The following CDH4 variants were observed in gnomAD, a reference collection of about 807,000 sequenced individuals.
The protein encoded by CDH4 is cadherin 4, also known as cadherin-4.
CDH4 carries 33 observed loss-of-function variants against 86.0 expected under a neutral mutation model. The observed-to-expected ratio is 0.38, with a 90% CI of 0.29 to 0.51. The LOEUF (loss-of-function observed/expected upper bound fraction) is 0.51. Ranked by LOEUF, CDH4 falls within the 20% of genes least tolerant of loss-of-function variation. The pLI is 0.86. For missense variants in CDH4, 1,114 were observed against 1,307.4 expected (o/e 0.85, Z 2.28); for synonymous variants, 555 against 549.4 (o/e 1.01, Z -0.14).
intron 2 of CDH4, among the ~76,000 whole-genome samples, chr20:61,671,283 G>A (rs949212217): frequency 3.9e-5 from 6 of 152,176 alleles, no homozygotes; most frequent in Non-Finnish European, 5.9e-5. Flanking sequence ...CTTAAGGCCA[G>A]GAGTTTGAAA....
chr20:61,935,035 G>T (rs1001881493), intron 15 of CDH4, among the ~76,000 whole-genome samples: 3 of 152,232 alleles, frequency 2.0e-5, no homozygotes, highest in African/African-American at 7.2e-5. Flanking sequence ...AGTCAAACAG[G>T]GCAGACTCCT....
At chr20:61,838,245 C>T (rs1981969614) in intron 4 of CDH4, among the ~76,000 whole-genome samples, 1 of 152,134 alleles carries the variant, frequency 6.6e-6, no homozygotes, top group African/African-American at 2.4e-5. Context: ...TACCAACAGG[C>T]CATCCCTGGG....
intron 4 of CDH4, among the ~76,000 whole-genome samples, chr20:61,837,524 G>A (rs985687714): frequency 1.3e-5 from 2 of 152,196 alleles, no homozygotes; most frequent in Non-Finnish European, 2.9e-5. Flanking sequence ...GTCAGGTGGG[G>A]CTGACGCTCT....
intron 4 of CDH4, among the ~76,000 whole-genome samples, chr20:61,808,710 G>A (rs1980270318): frequency 6.6e-6 from 1 of 152,230 alleles, no homozygotes; most frequent in African/African-American, 2.4e-5. Context: ...TGTGGGAGCT[G>A]CTCCCGTCCA....
chr20:61,712,042 A>G (rs1489903328), intron 2 of CDH4, among the ~76,000 whole-genome samples: 1 of 151,368 alleles, frequency 6.6e-6, no homozygotes, highest in African/African-American at 2.5e-5. Flanking sequence ...TGGCCAGGAG[A>G]GAGGGAGGCT....
intron 2 of CDH4, among the ~76,000 whole-genome samples, chr20:61,698,761 G>A (rs896064079): frequency 2.6e-5 from 4 of 152,250 alleles, no homozygotes; most frequent in African/African-American, 9.6e-5. Context: ...GACAACCAAG[G>A]AGATCTCCAG....
At chr20:61,841,935 C>G (rs972736894) in intron 4 of CDH4, among the ~76,000 whole-genome samples, 1 of 152,194 alleles carries the variant, frequency 6.6e-6, no homozygotes, top group African/African-American at 2.4e-5. Flanking sequence ...ATGAGACAGC[C>G]TTGGGGTGGC....
intron 2 of CDH4, among the ~76,000 whole-genome samples, chr20:61,659,776 G>C (rs1180706825): frequency 6.6e-6 from 1 of 152,154 alleles, no homozygotes; most frequent in Non-Finnish European, 1.5e-5. Flanking sequence ...AGGAGGAGGG[G>C]TGGGCCTCCG....
chr20:61,594,458 A>G (rs958129656), intron 2 of CDH4, among the ~76,000 whole-genome samples: 10 of 152,308 alleles, frequency 6.6e-5, no homozygotes, highest in Admixed American at 5.2e-4. Context: ...AGAGGAGAAC[A>G]GAACTATCAC....
intron 2 of CDH4, among the ~76,000 whole-genome samples, chr20:61,346,764 C>A (rs1373261122): frequency 1.3e-5 from 2 of 150,576 alleles, no homozygotes; most frequent in African/African-American, 4.9e-5. Context: ...AAAATTAACC[C>A]CTCTGCTGTG....
At chr20:61,389,885 C>T (rs908314241) in intron 2 of CDH4, among the ~76,000 whole-genome samples, 21 of 151,616 alleles carry the variant, frequency 1.4e-4, no homozygotes, top group Admixed American at 1.3e-4. Context: ...CGATTGAGAT[C>T]GTGCGGTCAT....
intron 2 of CDH4, among the ~76,000 whole-genome samples, chr20:61,272,479 C>T (rs2084188530): frequency 6.6e-6 from 1 of 152,184 alleles, no homozygotes; most frequent in African/African-American, 2.4e-5. Context: ...TGTCTTATTG[C>T]ATTTCTCCCT....
chr20:61,736,654 A>G (rs2088267816), intron 2 of CDH4, among the ~76,000 whole-genome samples: 1 of 77,000 alleles, frequency 1.3e-5, no homozygotes. Flanking sequence ...AAGGAGAGAG[A>G]GAGAGAGGGA....
intron 2 of CDH4, among the ~76,000 whole-genome samples, chr20:61,523,828 G>A (rs2085890927): frequency 6.6e-6 from 1 of 152,214 alleles, no homozygotes; most frequent in South Asian, 2.1e-4. Flanking sequence ...CTCTCCAGGT[G>A]GAGTTGTAAT....
rs1415336162 is a variant in CDH4, at chr20:61,258,341, AAAAAG to A, written c.169+3409_169+3413del. ...CGAGACTCCGTCTCAAAAAAAAAAA[AAAAAG>A]AAAAAAAAAAAAGAAAGAGGAGCAT... On this transcript the variant is annotated intron_variant, in intron 2 of 15. Coordinates refer to ENST00000614565, the MANE Select transcript of CDH4 (RefSeq NM_001794.5). Among the ~76,000 whole-genome samples, 1,133 of 120,032 alleles carry A rather than the reference AAAAAG, an allele frequency of 9.4e-3. 29 individuals are homozygous for A. The highest frequency in any genetic ancestry group is 0.033 in the African/African-American group (999 of 29,932). The allele number at this position is 120,032 out of a possible 152,430, so 78.7% of individuals were successfully genotyped here.
chr20:61,450,649 C>G (rs2145545201), intron 2 of CDH4, among the ~76,000 whole-genome samples: 1 of 151,974 alleles, frequency 6.6e-6, no homozygotes, highest in Admixed American at 6.5e-5. Flanking sequence ...CATCATTGTC[C>G]CAAACCGAGA....
intron 2 of CDH4, among the ~76,000 whole-genome samples, chr20:61,260,010 C>T (rs1262909419): frequency 6.6e-6 from 1 of 152,180 alleles, no homozygotes; most frequent in African/African-American, 2.4e-5. Flanking sequence ...CATCCTCAAA[C>T]AATGGCAGAG....
intron 9 of CDH4, among the ~76,000 whole-genome samples, chr20:61,915,264 T>A (rs2054891689): frequency 6.6e-6 from 1 of 152,218 alleles, no homozygotes; most frequent in African/African-American, 2.4e-5. Context: ...TGTCTGTGTG[T>A]GTTCAGGACA....
rs573390525 is a variant in CDH4, at chr20:61,842,451, C to T, written c.577-2217C>T. Among the ~76,000 whole-genome samples, 20 of 152,192 alleles carry T rather than the reference C, an allele frequency of 1.3e-4. No homozygotes were observed. In the East Asian group the frequency reaches 1.3e-3, roughly 10 times the overall value. On this transcript the variant is annotated intron_variant, in intron 4 of 15. Transcript: ENST00000614565. ...GGAAAAGTTTCAGGAAATTCCAGAG[C>T]GAGCTGACCTGTCCTCAGATCTTTT...
Sources: gnomAD v4.1 joint callset for allele counts (sites outside exome capture counted in the v4.1 genomes callset) on GRCh38, gnomAD v4.1.1 for gene constraint, MANE v1.5 for transcripts, NCBI Gene and HGNC (gene_info 2026-07-23, HGNC 2026-07-21) for gene names.